DPYS: variants seen among roughly 807,000 people sequenced by gnomAD.
DPYS encodes the protein dihydropyrimidine amidohydrolase.
Under a neutral mutation model 50.3 loss-of-function variants are expected in DPYS, and 39 were observed. The observed-to-expected ratio is 0.78, with a 90% CI of 0.60 to 1.01. DPYS has a LOEUF of 1.01. Ranked by LOEUF, DPYS falls within the 50% of genes least tolerant of loss-of-function variation. The pLI, the probability that DPYS is intolerant of heterozygous loss-of-function variation, is 0.00. For missense variants in DPYS, 659 were observed against 680.9 expected, an observed-to-expected ratio of 0.97 and a Z score of 0.36; for synonymous variants, 245 against 250.7, an observed-to-expected ratio of 0.98 and a Z score of 0.22.
At chr8:104,422,667 A>C (rs1359875364) in intron 7 of DPYS, among the ~76,000 whole-genome samples, 2 of 152,214 alleles carry the variant, frequency 1.3e-5, no homozygotes, top group Admixed American at 1.3e-4. Context: ...ATTTTTCAGA[A>C]ATATTTCTTT....
At chr8:104,402,214 G>C (rs965833089) in intron 7 of DPYS, among the ~76,000 whole-genome samples, 1 of 152,184 alleles carries the variant, frequency 6.6e-6, no homozygotes, top group African/African-American at 2.4e-5. Flanking sequence ...ACAGTACTGA[G>C]CAAACAGAGG....
chr8:104,459,385 C>G (rs1814041353), intron 1 of DPYS, among the ~76,000 whole-genome samples: 1 of 152,194 alleles, frequency 6.6e-6, no homozygotes, highest in African/African-American at 2.4e-5. Context: ...ATTAGAGACC[C>G]ATATACCTCT....
intron 7 of DPYS, among the ~76,000 whole-genome samples, chr8:104,395,440 G>C (rs1811545037): frequency 6.6e-6 from 1 of 152,108 alleles, no homozygotes; most frequent in Non-Finnish European, 1.5e-5. Flanking sequence ...CACTACCCTA[G>C]ACTCATACTA....
At chr8:104,404,263 C>T (rs1023022590) in intron 7 of DPYS, among the ~76,000 whole-genome samples, 18 of 152,124 alleles carry the variant, frequency 1.2e-4, no homozygotes, top group Non-Finnish European at 2.2e-4. Flanking sequence ...GGGTTCCCAG[C>T]TCATTTGAAC....
At chr8:104,417,137 T>C (rs918205666) in intron 7 of DPYS, among the ~76,000 whole-genome samples, 1 of 152,174 alleles carries the variant, frequency 6.6e-6, no homozygotes, top group Non-Finnish European at 1.5e-5. Flanking sequence ...AATGAAAATA[T>C]GTCTGCTCGG....
chr8:104,402,935 A>G (rs189365667), intron 7 of DPYS, among the ~76,000 whole-genome samples: 1 of 152,338 alleles, frequency 6.6e-6, no homozygotes, highest in East Asian at 1.9e-4. Context: ...AAGGAGGTAA[A>G]GAAATAGCCA....
chr8:104,393,187 A>G (rs1477877815), intron 7 of DPYS, among the ~76,000 whole-genome samples, 196 bp from the exon 8 acceptor site: 4 of 152,254 alleles, frequency 2.6e-5, no homozygotes, highest in African/African-American at 9.6e-5. Flanking sequence ...TTTTTCTGAG[A>G]GAAAAACCCA....
chr8:104,382,457 T>C (rs1811085462), intron 8 of DPYS, among the ~76,000 whole-genome samples: 3 of 151,982 alleles, frequency 2.0e-5, no homozygotes, highest in Non-Finnish European at 2.9e-5. Context: ...TTCTACCACC[T>C]TGGACCACCA....
chr8:104,423,614 A>C (rs922212503), intron 7 of DPYS, among the ~76,000 whole-genome samples: 2 of 152,236 alleles, frequency 1.3e-5, no homozygotes, highest in Non-Finnish European at 2.9e-5. Context: ...AAATTTATGA[A>C]AAACACAAAT....
intron 4 of DPYS, among the ~76,000 whole-genome samples, chr8:104,434,201 A>G (rs1813050506): frequency 6.6e-6 from 1 of 152,062 alleles, no homozygotes; most frequent in African/African-American, 2.4e-5. Context: ...TGAAAAAGTT[A>G]TTATCGATAG....
At chr8:104,445,650 G>A (rs1407242752) in intron 3 of DPYS, among the ~76,000 whole-genome samples, 3 of 151,982 alleles carry the variant, frequency 2.0e-5, no homozygotes. Flanking sequence ...TGGCGGTGGG[G>A]AGAGGGGGGA....
At chr8:104,449,015 G>C (rs1191577248) in intron 2 of DPYS, among the ~76,000 whole-genome samples, 1 of 152,194 alleles carries the variant, frequency 6.6e-6, no homozygotes, top group Non-Finnish European at 1.5e-5. Flanking sequence ...CTGGTGCATA[G>C]TGCCCACTCA....
chr8:104,446,345 T>C (rs1467915750), intron 3 of DPYS, among the ~76,000 whole-genome samples: 1 of 152,210 alleles, frequency 6.6e-6, no homozygotes, highest in East Asian at 1.9e-4. Context: ...TAAGACAATA[T>C]TGATTCAGAC....
intron 1 of DPYS, among the ~76,000 whole-genome samples, chr8:104,459,634 G>A (rs904094867): frequency 6.6e-6 from 1 of 152,186 alleles, no homozygotes; most frequent in African/African-American, 2.4e-5. Flanking sequence ...TTTGAGAATA[G>A]GTGTTTTTTT....
chr8:104,446,600 A>G (rs968566133), intron 3 of DPYS, among the ~76,000 whole-genome samples: 2 of 152,196 alleles, frequency 1.3e-5, no homozygotes. Flanking sequence ...CAGAAGTCCA[A>G]TTTAAACCCT....
In DPYS at chr8:104,444,202, C is replaced by T. The variant is rs1459878519; in HGVS notation, c.793+46G>A. 56 of 1,607,282 alleles carry T rather than the reference C, an allele frequency of 3.5e-5. No individual in the cohort carries two copies. The Admixed American group carries it at 9.3e-4, about 27-fold the overall frequency. On this transcript the variant is annotated intron_variant, in intron 4 of 9. Coordinates refer to ENST00000351513, the MANE Select transcript of DPYS (RefSeq NM_001385.3). ...AGAGGCTACAGACGTGGACTTTTCT[C>T]TTCAGCTAACACTGAGTTCTAAGTG...
At chr8:104,436,384 C>T (rs980313413) in intron 4 of DPYS, among the ~76,000 whole-genome samples, 3 of 152,046 alleles carry the variant, frequency 2.0e-5, no homozygotes, top group South Asian at 2.1e-4. Context: ...CAGAGGTGGG[C>T]GGATCACCTG....
At chr8:104,458,802 T>C (rs1305160596) in intron 1 of DPYS, among the ~76,000 whole-genome samples, 1 of 152,232 alleles carries the variant, frequency 6.6e-6, no homozygotes, top group African/African-American at 2.4e-5. Flanking sequence ...CATGTTAATA[T>C]GGAGTGTCAA....
intron 7 of DPYS, among the ~76,000 whole-genome samples, chr8:104,395,127 C>T (rs2140526583): frequency 6.6e-6 from 1 of 152,056 alleles, no homozygotes. Context: ...TCCCAAGTAG[C>T]TGGCACTACA....
Sources: allele counts gnomAD v4.1 joint callset (sites outside exome capture counted in the v4.1 genomes callset), GRCh38; gene constraint gnomAD v4.1.1; transcripts MANE v1.5; gene names NCBI Gene and HGNC (gene_info 2026-07-23, HGNC 2026-07-21).